Variants in USP33 observed in about 807,000 individuals in gnomAD.
USP33 encodes the protein ubiquitin specific peptidase 33, also known as ubiquitin carboxyl-terminal hydrolase 33.
USP33 carries 46 observed loss-of-function variants against 124.2 expected under a neutral mutation model. That is an observed-to-expected ratio of 0.37 (90% CI 0.29 to 0.47). The LOEUF is 0.47. Ranked by LOEUF, USP33 falls within the 20% of genes least tolerant of loss-of-function variation. The pLI, the probability that USP33 is intolerant of heterozygous loss-of-function variation, is 0.99. For synonymous variants in USP33, 350 were observed against 352.3 expected, an observed-to-expected ratio of 0.99 and a Z score of 0.07; for missense variants, 851 against 1,070.6, an observed-to-expected ratio of 0.79 and a Z score of 2.86.
intron 7 of USP33, among the ~76,000 whole-genome samples, chr1:77,733,405 G>GA (rs761834657): frequency 7.1e-6 from 1 of 140,024 alleles, no homozygotes; most frequent in Non-Finnish European, 1.6e-5. Context: ...AAAAAAAAAA[G>GA]AAAAAAAAAG....
At chr1:77,706,440 CT>C (rs1318236174) in intron 21 of USP33, among the ~76,000 whole-genome samples, 1 of 152,120 alleles carries the variant, frequency 6.6e-6, no homozygotes, top group Non-Finnish European at 1.5e-5. Context: ...GATATGAGTC[CT>C]TTGATGACAC....
At position 77,714,673 on chromosome 1, in the gene USP33, A is replaced by C; in HGVS notation, c.2156T>G (p.Phe719Cys). 6.2e-7 allele frequency: 1 copy of C among 1,613,368 alleles called. No individual in the cohort carries two copies. The highest frequency in any genetic ancestry group is 8.5e-7 in the Non-Finnish European group (1 of 1,179,964). The part of the protein sequence containing the change: ...FYISRQWLNK[F>C]KTFAEPGPIS... Reference sequence around the variant, plus strand: ...AGGGCCAGGTTCGGCAAAGGTCTTAAATTTATTAAGCCACTGTCGAGAAAT... The same window carrying C: ...AGGGCCAGGTTCGGCAAAGGTCTTACATTTATTAAGCCACTGTCGAGAAAT... The change falls in exon 19 of 24, where the codon TTT becomes TGT. Residue 719 changes from phenylalanine (F) to cysteine (C), a missense_variant. By Grantham distance (205) the Phe-to-Cys change is radical. Transcript: ENST00000370794.
At chr1:77,754,652 C>T (rs1680640520) in intron 1 of USP33, among the ~76,000 whole-genome samples, 1 of 152,190 alleles carries the variant, frequency 6.6e-6, no homozygotes, top group African/African-American at 2.4e-5. Flanking sequence ...TCATTCAAAA[C>T]CACAACACAG....
chr1:77,717,555 T>G (rs533999613), intron 17 of USP33: 1 of 169,070 alleles, frequency 5.9e-6, no homozygotes, highest in Non-Finnish European at 1.3e-5. Context: ...ATTGGAAACA[T>G]CATAGTAAAA....
chr1:77,697,849 C>A lies in USP33; in HGVS notation c.2578+14G>T, dbSNP rs146188497. 1.3e-6 allele frequency: 2 copies of A among 1,596,984 alleles called. No homozygotes were observed. Among genetic ancestry groups the A allele is most frequent in the Non-Finnish European group, 1.7e-6 (2 of 1,173,382 alleles). On this transcript the variant is annotated intron_variant, in intron 23 of 23. Coordinates refer to ENST00000370794, the MANE Select transcript of USP33 (RefSeq NM_201624.3). ...TCACTCACAAGTAAAAGCTTAAATA[C>A]GAGTCAAACTTACCTTGCCTAAGCA...
intron 12 of USP33, among the ~76,000 whole-genome samples, 180 bp downstream of exon 12, chr1:77,723,148 ATGC>A (rs1236839180): frequency 1.3e-5 from 2 of 152,202 alleles, no homozygotes; most frequent in Non-Finnish European, 2.9e-5. Flanking sequence ...TTTAAACAGG[ATGC>A]TGCTACTTCC....
At chr1:77,753,197 G>A (rs1160392417) in intron 1 of USP33, among the ~76,000 whole-genome samples, 1 of 152,154 alleles carries the variant, frequency 6.6e-6, no homozygotes, top group African/African-American at 2.4e-5. Context: ...GACCAAAAAA[G>A]GGGGTCAGGT....
intron 5 of USP33, among the ~76,000 whole-genome samples, chr1:77,737,356 A>G (rs982393431): frequency 6.6e-6 from 1 of 152,222 alleles, no homozygotes; most frequent in Non-Finnish European, 1.5e-5. Flanking sequence ...TTGTTTTCAT[A>G]AAGTAATTGC....
intron 1 of USP33, among the ~76,000 whole-genome samples, chr1:77,758,734 G>C (rs777868203): frequency 1.3e-5 from 2 of 152,128 alleles, no homozygotes; most frequent in Admixed American, 1.3e-4. Context: ...GTTACTTTTT[G>C]TAACACGTTT....
chr1:77,744,043 G>A (rs1421131715), intron 1 of USP33, among the ~76,000 whole-genome samples: 1 of 151,222 alleles, frequency 6.6e-6, no homozygotes, highest in African/African-American at 2.4e-5. Flanking sequence ...AGAATTGCTT[G>A]AACCCAGGAG....
At position 77,722,019 on chromosome 1, in the gene USP33, C is replaced by A; in HGVS notation, c.1562+5G>T. The A allele has an allele frequency of 3.1e-6, 5 of 1,611,724 alleles. No homozygotes were observed. The highest frequency in any genetic ancestry group is 4.2e-6 in the Non-Finnish European group (5 of 1,179,260). On this transcript the variant is annotated splice_donor_5th_base_variant and intron_variant, in intron 13 of 23. Transcript: ENST00000370794. ...TCATGTAATACAAAGAAAATAAATA[C>A]ATACCTCTTCACATATTCCATGAAA...
At chr1:77,702,395 T>G (rs1674144397) in intron 21 of USP33, among the ~76,000 whole-genome samples, 2 of 152,188 alleles carry the variant, frequency 1.3e-5, no homozygotes, top group South Asian at 4.1e-4. Flanking sequence ...ACACATACTA[T>G]ATCCACAGTC....
chr1:77,714,225 A>G (rs1675613186), intron 19 of USP33, among the ~76,000 whole-genome samples: 2 of 152,216 alleles, frequency 1.3e-5, no homozygotes, highest in Non-Finnish European at 2.9e-5. Context: ...GTCGATAGAT[A>G]AAATCACCAG....
At chr1:77,735,889 C>A (rs1414075384) in intron 6 of USP33, among the ~76,000 whole-genome samples, 167 bp downstream of exon 6, 1 of 151,906 alleles carries the variant, frequency 6.6e-6, no homozygotes, top group African/African-American at 2.4e-5. Flanking sequence ...ACCAGAGAAA[C>A]CAAAAGTTTG....
At chr1:77,734,314 T>C (rs768387804) in intron 7 of USP33, 33 bp downstream of exon 7, 8 of 1,482,972 alleles carry the variant, frequency 5.4e-6, no homozygotes, top group Non-Finnish European at 6.4e-6. Flanking sequence ...TAAAAAATTA[T>C]ACAAATAAAA....
intron 3 of USP33, 91 bp downstream of exon 3, chr1:77,741,285 C>A: frequency 7.9e-7 from 1 of 1,272,052 alleles, no homozygotes; most frequent in Non-Finnish European, 1.1e-6. Flanking sequence ...ACAAAAATCA[C>A]TTTAAGTATC....
At chr1:77,756,278 A>AT (rs550095569) in intron 1 of USP33, among the ~76,000 whole-genome samples, 82 of 146,072 alleles carry the variant, frequency 5.6e-4, no homozygotes, top group African/African-American at 6.5e-4. Context: ...TAAATTCGGC[A>AT]TTTTTTTTTT....
At chr1:77,752,943 G>C (rs1271174771) in intron 1 of USP33, among the ~76,000 whole-genome samples, 1 of 152,014 alleles carries the variant, frequency 6.6e-6, no homozygotes, top group Non-Finnish European at 1.5e-5. Context: ...GCAGGGCGTG[G>C]TGGTGTGCGT....
chr1:77,723,880 A>G (rs4949820), intron 11 of USP33, among the ~76,000 whole-genome samples: 151,401 of 152,144 alleles, frequency 1, 75,334 homozygotes, highest in Middle Eastern at 1. Flanking sequence ...TAGCCAGGAT[A>G]GTCTCGATCT....
Sources: allele counts gnomAD v4.1 joint callset (sites outside exome capture counted in the v4.1 genomes callset), GRCh38; gene constraint gnomAD v4.1.1; transcripts MANE v1.5; gene names NCBI Gene and HGNC (gene_info 2026-07-23, HGNC 2026-07-21).